The following AGBL3 variants were observed in gnomAD, a reference collection of about 807,000 sequenced individuals.
AGBL3 encodes cytosolic carboxypeptidase 3.
In AGBL3, 68 loss-of-function variants were observed where a neutral mutation model predicts 94.5. The observed-to-expected ratio is 0.72, with a 90% confidence interval of 0.59 to 0.88. AGBL3 has a LOEUF of 0.88. Ranked by LOEUF, AGBL3 falls within the 40% of genes least tolerant of loss-of-function variation. AGBL3 has a pLI of 0.00. For missense variants in AGBL3, 934 were observed against 1,103.8 expected (o/e 0.85, Z 2.18); for synonymous variants, 354 against 370.7 (o/e 0.95, Z 0.52).
intron 4 of AGBL3, among the ~76,000 whole-genome samples, chr7:135,016,056 GAA>G (rs5887721): frequency 1.3e-5 from 2 of 148,204 alleles, no homozygotes; most frequent in Non-Finnish European, 3.0e-5. Flanking sequence ...AAAAAGAAAA[GAA>G]AAAAAAAATC....
chr7:135,081,928 C>A, intron 15 of AGBL3, 138 bp downstream of exon 15: 1 of 510,954 alleles, frequency 2.0e-6, no homozygotes, highest in South Asian at 5.0e-5. Flanking sequence ...TTTACCCAGT[C>A]AAAACCAAAA....
At chr7:135,024,069 C>A (rs184373164) in intron 5 of AGBL3, among the ~76,000 whole-genome samples, 3 of 152,106 alleles carry the variant, frequency 2.0e-5, no homozygotes, top group Non-Finnish European at 2.9e-5. Context: ...GACATGCAAG[C>A]TCATGGGCCA....
intron 5 of AGBL3, among the ~76,000 whole-genome samples, chr7:135,023,705 C>T (rs1015640941): frequency 2.6e-5 from 4 of 152,316 alleles, no homozygotes; most frequent in Admixed American, 2.6e-4. Flanking sequence ...GCAGGGCTGA[C>T]TATCCTATCC....
chr7:135,129,483 T>A, intron 16 of AGBL3: 1 of 773,544 alleles, frequency 1.3e-6, no homozygotes, highest in Non-Finnish European at 2.4e-6. Context: ...GAACTGACCA[T>A]GTTGTGGAAC....
intron 15 of AGBL3, among the ~76,000 whole-genome samples, chr7:135,110,356 G>A (rs1285343384): frequency 6.6e-6 from 1 of 152,196 alleles, no homozygotes; most frequent in Non-Finnish European, 1.5e-5. Flanking sequence ...CTTTGCTGGA[G>A]TTGCAGCCAC....
chr7:135,041,167 A>G (rs533248267), intron 8 of AGBL3, among the ~76,000 whole-genome samples: 16 of 152,316 alleles, frequency 1.1e-4, no homozygotes, highest in Non-Finnish European at 2.2e-4. Flanking sequence ...ATGGATTGGA[A>G]GACTAAACAC....
At chr7:135,106,201 T>C (rs528919681) in intron 15 of AGBL3, among the ~76,000 whole-genome samples, 2 of 152,330 alleles carry the variant, frequency 1.3e-5, no homozygotes, top group East Asian at 3.9e-4. Context: ...CCGCTCTTCC[T>C]ATTTGGATGC....
chr7:135,034,747 A>G lies in AGBL3; in HGVS notation c.1156A>G (p.Ser386Gly). The G allele has an allele frequency of 3.2e-6, 5 of 1,551,170 alleles. No individual in the cohort carries two copies. Among genetic ancestry groups the G allele is most frequent in the Non-Finnish European group, 4.4e-6 (5 of 1,146,766 alleles). The change falls in exon 7 of 17, where the codon AGT (serine) becomes GGT (glycine). Residue 386 changes from serine (S) to glycine (G), a missense_variant. This residue lies in a region of AGBL3 where 488 missense variants were observed against 563.6 expected (regional missense o/e 0.87). Transcript: ENST00000436302. ...CCTAGATTATATTTTAGGAAACTCA[A>G]GTGATGCACAGTTGCTTCGGGACAC... ...GFLDYILGNS[S>G]DAQLLRDTFV...
chr7:135,045,949 C>CTGTTT, intron 11 of AGBL3, 38 bp downstream of exon 11: 1 of 1,279,970 alleles, frequency 7.8e-7, no homozygotes, highest in Non-Finnish European at 1.1e-6. Flanking sequence ...ATTTGTTGTG[C>CTGTTT]TGTTTTACTA....
At chr7:135,026,205 T>C (rs1445018312) in intron 5 of AGBL3, among the ~76,000 whole-genome samples, 1 of 118,226 alleles carries the variant, frequency 8.5e-6, no homozygotes, top group African/African-American at 2.9e-5. Flanking sequence ...CCCAAGCACA[T>C]TCTCACATCA....
intron 16 of AGBL3, among the ~76,000 whole-genome samples, chr7:135,120,382 G>A (rs1041544730): frequency 4.6e-5 from 7 of 152,062 alleles, no homozygotes; most frequent in African/African-American, 1.7e-4. Flanking sequence ...AAATTACTAA[G>A]TTAACACAAC....
chr7:135,046,146 A>G (rs1228765273), intron 11 of AGBL3, among the ~76,000 whole-genome samples: 1 of 152,140 alleles, frequency 6.6e-6, no homozygotes, highest in Non-Finnish European at 1.5e-5. Flanking sequence ...AAGACATATG[A>G]AATTGGTTTT....
intron 16 of AGBL3, among the ~76,000 whole-genome samples, chr7:135,122,443 C>T (rs1030540142): frequency 1.3e-5 from 2 of 152,224 alleles, no homozygotes; most frequent in African/African-American, 4.8e-5. Context: ...GACCAGCAGA[C>T]TTAGCCTTTC....
chr7:135,038,307 A>G (rs116894172), intron 8 of AGBL3, among the ~76,000 whole-genome samples: 2 of 152,338 alleles, frequency 1.3e-5, no homozygotes, highest in Non-Finnish European at 2.9e-5. Context: ...AAAAATAGCT[A>G]TTTAAAGAAA....
intron 12 of AGBL3, among the ~76,000 whole-genome samples, chr7:135,062,825 T>C (rs1818960489): frequency 1.3e-5 from 2 of 152,168 alleles, no homozygotes; most frequent in South Asian, 4.1e-4. Context: ...GTTATCTTTT[T>C]CTTGTAGTTT....
At position 135,038,934 on chromosome 7, in the gene AGBL3, G is replaced by A. The variant is rs538916030; in HGVS notation, c.1500+1354G>A. Among the ~76,000 whole-genome samples the A allele has an allele frequency of 2.1e-3, 318 of 151,292 alleles. 1 individual carries two copies. Among genetic ancestry groups the A allele is most frequent in the African/African-American group, 7.0e-3 (289 of 41,224 alleles). The stretch of plus-strand genomic sequence containing the variant: ...AGATGGCGCCACTGCACTCCAGCCT[G>A]GACGATAGAGCGAGACTTTGTCTCA... On this transcript the variant is annotated intron_variant, in intron 8 of 16. Coordinates refer to ENST00000436302, the MANE Select transcript of AGBL3 (RefSeq NM_178563.4).
At position 135,073,465 on chromosome 7, in the gene AGBL3, C is replaced by T. The variant is rs981720437; in HGVS notation, c.1909-2932C>T. Reference sequence around the variant, plus strand: ...CAGCCCACGTGACAGTGCAAGACTCCGTCTCAAAATAAATAAATAAATAAA... The same window carrying T: ...CAGCCCACGTGACAGTGCAAGACTCTGTCTCAAAATAAATAAATAAATAAA... On this transcript the variant is annotated intron_variant, in intron 12 of 16. Coordinates refer to ENST00000436302, the MANE Select transcript of AGBL3 (RefSeq NM_178563.4). 6.1e-4 allele frequency among the ~76,000 whole-genome samples: 87 copies of T among 143,694 alleles called. 2 individuals carry two copies. The highest frequency in any genetic ancestry group is 8.0e-4 in the Admixed American group (11 of 13,722). 94.3% of individuals were successfully genotyped at this position (143,694 alleles called of 152,430 possible). A position where few individuals can be genotyped will look rare whatever the true frequency, so the allele number is the denominator to read the frequency against.
chr7:135,017,587 C>T (rs891215246), intron 5 of AGBL3, among the ~76,000 whole-genome samples: 1 of 152,130 alleles, frequency 6.6e-6, no homozygotes, highest in Non-Finnish European at 1.5e-5. Context: ...AACAACTGCC[C>T]CACTTTGCAA....
intron 5 of AGBL3, among the ~76,000 whole-genome samples, chr7:135,029,552 T>TTA (rs765906380): frequency 6.6e-6 from 1 of 152,196 alleles, no homozygotes; most frequent in Non-Finnish European, 1.5e-5. Flanking sequence ...AGGCTTTGGC[T>TTA]TAAAGGAATG....
Sources: gnomAD v4.1 joint callset for allele counts (sites outside exome capture counted in the v4.1 genomes callset) on GRCh38, gnomAD v4.1.1 for gene constraint, gnomAD v4.1.1 regional missense constraint, MANE v1.5 for transcripts, NCBI Gene and HGNC (gene_info 2026-07-23, HGNC 2026-07-21) for gene names.